PSME4: variants seen among roughly 807,000 people sequenced by gnomAD.
The protein encoded by PSME4 is proteasome activator subunit 4, also known as proteasome activator complex subunit 4.
Under a neutral mutation model 253.9 loss-of-function variants are expected in PSME4, and 89 were observed. The ratio of observed to expected loss-of-function variants is 0.35; its 90% CI spans 0.30 to 0.42. The LOEUF is 0.42. Among genes scored for constraint, PSME4 ranks in the 10% least tolerant of loss-of-function variants. The pLI is 1.00. For missense variants in PSME4, 2,014 were observed against 2,195.2 expected (o/e 0.92, Z 1.65); for synonymous variants, 851 against 759.2 (o/e 1.12, Z -1.99).
intron 3 of PSME4, among the ~76,000 whole-genome samples, chr2:53,947,722 A>AACAAACAAC (rs1669789814): frequency 6.7e-6 from 1 of 148,470 alleles, no homozygotes; most frequent in Non-Finnish European, 1.5e-5. Flanking sequence ...AAACAAACAA[A>AACAAACAAC]AACACTGAAG....
chr2:53,955,317 G>A (rs1670181732), intron 1 of PSME4, among the ~76,000 whole-genome samples: 1 of 152,174 alleles, frequency 6.6e-6, no homozygotes, highest in East Asian at 1.9e-4. Context: ...CGATGGCCCA[G>A]GATTGTTTTG....
chr2:53,952,732 T>C (rs926621238), intron 1 of PSME4, among the ~76,000 whole-genome samples: 3 of 152,182 alleles, frequency 2.0e-5, no homozygotes, highest in African/African-American at 4.8e-5. Context: ...CAGTTCACAA[T>C]AGGATATGAG....
chr2:53,895,134 G>T, intron 33 of PSME4, 58 bp from the exon 34 acceptor site: 2 of 1,475,382 alleles, frequency 1.4e-6, no homozygotes, highest in South Asian at 1.2e-5. Flanking sequence ...AGAGCTTCAT[G>T]GATAGAAAGC....
At chr2:53,965,629 A>G (rs1478460974) in intron 1 of PSME4, among the ~76,000 whole-genome samples, 1 of 150,782 alleles carries the variant, frequency 6.6e-6, no homozygotes, top group Non-Finnish European at 1.5e-5. Context: ...TTGCCTGAGG[A>G]ATCCAATTTC....
In PSME4 at chr2:53,940,968, T is replaced by TATACATATTTAA. The variant is rs1558413950; in HGVS notation, c.501-969_501-968insTTAAATATGTAT. On this transcript the variant is annotated intron_variant, in intron 3 of 46. Coordinates refer to ENST00000404125, the MANE Select transcript of PSME4 (RefSeq NM_014614.3). ...ATATATATACATATATATATATATATATATATATATATATATATATATATA... is the reference window on the plus strand; with the variant it reads ...ATATATATACATATATATATATATATATACATATTTAAATATATATATATATATATATATATA... 3.5e-3 allele frequency among the ~76,000 whole-genome samples: 249 copies of TATACATATTTAA among 70,444 alleles called. 6 individuals are homozygous for TATACATATTTAA. The highest frequency in any genetic ancestry group is 0.011 in the African/African-American group (224 of 21,076). The allele number at this position is 70,444 out of a possible 152,430, so 46.2% of individuals were successfully genotyped here. A position where few individuals can be genotyped will look rare whatever the true frequency, so the allele number is the denominator to read the frequency against.
chr2:53,942,251 A>C (rs1371269056), intron 3 of PSME4: 1 of 152,604 alleles, frequency 6.6e-6, no homozygotes, highest in African/African-American at 2.4e-5. Context: ...TAAAAGGTTA[A>C]GGCTAGATGC....
intron 44 of PSME4, among the ~76,000 whole-genome samples, chr2:53,867,275 C>T (rs1040461656): frequency 2.0e-5 from 3 of 152,024 alleles, no homozygotes; most frequent in Non-Finnish European, 2.9e-5. Flanking sequence ...GAGACCAGGG[C>T]GGGTGGATGA....
At chr2:53,908,014 G>C (rs1009119484) in intron 24 of PSME4, 2 of 292,544 alleles carry the variant, frequency 6.8e-6, no homozygotes, top group Non-Finnish European at 1.3e-5. Context: ...CATGCCCATA[G>C]ATAATTCCTC....
At chr2:53,889,158 C>T (rs183284749) in intron 37 of PSME4, among the ~76,000 whole-genome samples, 1 of 152,256 alleles carries the variant, frequency 6.6e-6, no homozygotes, top group East Asian at 1.9e-4. Context: ...AGCTAGTGCA[C>T]CCAGCCATAT....
chr2:53,965,587 G>GT (rs1670686406), intron 1 of PSME4, among the ~76,000 whole-genome samples: 1 of 150,972 alleles, frequency 6.6e-6, no homozygotes, highest in Non-Finnish European at 1.5e-5. Flanking sequence ...TATCAAGGAA[G>GT]TATTTTTTTT....
intron 24 of PSME4, among the ~76,000 whole-genome samples, chr2:53,907,115 C>T (rs1680696238): frequency 6.6e-6 from 1 of 152,068 alleles, no homozygotes; most frequent in Non-Finnish European, 1.5e-5. Flanking sequence ...TGATAGTTTA[C>T]TATTAGACCC....
chr2:53,933,091 C>A, intron 8 of PSME4: 1 of 195,152 alleles, frequency 5.1e-6, no homozygotes, highest in East Asian at 1.2e-4. Context: ...AGATTATCAT[C>A]TTAAAATTAC....
At chr2:53,932,394 G>C (rs1156855218) in intron 9 of PSME4, among the ~76,000 whole-genome samples, 2 of 151,966 alleles carry the variant, frequency 1.3e-5, no homozygotes, top group African/African-American at 4.8e-5. Context: ...CAGATGACAG[G>C]ATAAAACTGA....
chr2:53,871,115 TAC>T (rs1678856004), intron 43 of PSME4, among the ~76,000 whole-genome samples: 1 of 152,244 alleles, frequency 6.6e-6, no homozygotes, highest in East Asian at 1.9e-4. Flanking sequence ...TTTTCATCAC[TAC>T]ACATTTTTGT....
chr2:53,961,902 A>G (rs1289714228), intron 1 of PSME4, among the ~76,000 whole-genome samples: 1 of 152,252 alleles, frequency 6.6e-6, no homozygotes, highest in African/African-American at 2.4e-5. Flanking sequence ...TCCACTTGCT[A>G]GAACGGGACC....
intron 4 of PSME4, among the ~76,000 whole-genome samples, chr2:53,939,071 T>A (rs926713738): frequency 1.6e-4 from 25 of 152,186 alleles, no homozygotes; most frequent in Non-Finnish European, 3.4e-4. Context: ...GGTAACTGCC[T>A]CGCATAAAAT....
At chr2:53,908,682 T>C (rs1465199528) in intron 22 of PSME4, 102 bp downstream of exon 22, 1 of 1,437,790 alleles carries the variant, frequency 7.0e-7, no homozygotes, top group African/African-American at 1.4e-5. Flanking sequence ...ATTCTCACCA[T>C]TTAGAATAAA....
intron 39 of PSME4, 118 bp downstream of exon 39, chr2:53,887,740 G>C (rs1679706667): frequency 3.2e-6 from 4 of 1,264,120 alleles, no homozygotes; most frequent in Non-Finnish European, 4.3e-6. Context: ...CAAACAATTT[G>C]AGAAAGACAC....
Position 53,970,681 on chromosome 2 carries a change from T to C in PSME4, c.104A>G (p.Asn35Ser), listed in dbSNP as rs1476192980. ...CCGCTCCGCGTAGGGCAGCAGCTTG[T>C]TGTAGACGATCTCCTTCTGCGGGAC... The part of the protein sequence containing the change: ...GFVPQKEIVY[N>S]KLLPYAERLD... Residue 35 changes from asparagine to serine, a missense_variant, in exon 1 of 47, where the codon AAC becomes AGC. Physicochemically the swap from Asn to Ser is conservative, Grantham distance 46. Transcript: ENST00000404125. 6.5e-6 allele frequency: 10 copies of C among 1,549,926 alleles called. No individual in the cohort carries two copies. Among genetic ancestry groups the C allele is most frequent in the South Asian group, 1.2e-5 (1 of 84,034 alleles).
Sources: gnomAD v4.1 joint callset for allele counts (sites outside exome capture counted in the v4.1 genomes callset) on GRCh38, gnomAD v4.1.1 for gene constraint, MANE v1.5 for transcripts, NCBI Gene and HGNC (gene_info 2026-07-23, HGNC 2026-07-21) for gene names.